The following PTPRR variants were observed in gnomAD, a reference collection of about 807,000 sequenced individuals.
PTPRR encodes protein tyrosine phosphatase receptor type R.
A neutral mutation model predicts 77.2 loss-of-function variants in PTPRR; 38 were observed. That is an observed-to-expected ratio of 0.49 (90% CI 0.38 to 0.65). The LOEUF is 0.65. Ranked by LOEUF, PTPRR falls within the 30% of genes least tolerant of loss-of-function variation. The pLI is 0.00. For missense variants in PTPRR, 744 were observed against 799.2 expected (o/e 0.93, Z 0.83); for synonymous variants, 299 against 283.1 (o/e 1.06, Z -0.57).
chr12:70,769,563 A>G (rs1890917508), intron 2 of PTPRR, among the ~76,000 whole-genome samples: 3 of 152,178 alleles, frequency 2.0e-5, no homozygotes, highest in East Asian at 1.9e-4. Context: ...AAGAATCAAT[A>G]TCATGAAAAT....
intron 5 of PTPRR, among the ~76,000 whole-genome samples, chr12:70,750,793 G>A (rs1890365950): frequency 6.6e-6 from 1 of 152,142 alleles, no homozygotes; most frequent in South Asian, 2.1e-4. Context: ...AAAGTGGCAT[G>A]ATCATAGCTC....
At chr12:70,831,131 C>T (rs774465938) in intron 2 of PTPRR, among the ~76,000 whole-genome samples, 1 of 152,130 alleles carries the variant, frequency 6.6e-6, no homozygotes, top group Non-Finnish European at 1.5e-5. Context: ...TTCCTTAGAA[C>T]ATTAGTGAGT....
intron 1 of PTPRR, among the ~76,000 whole-genome samples, chr12:70,919,274 A>T (rs1351175588): frequency 6.6e-6 from 1 of 152,196 alleles, no homozygotes; most frequent in Non-Finnish European, 1.5e-5. Flanking sequence ...GAATGAATGG[A>T]TATGTGTGAT....
At position 70,833,726 on chromosome 12, in the gene PTPRR, C is replaced by A. The variant is rs554085705; in HGVS notation, c.357+58953G>T. On this transcript the variant is annotated intron_variant, in intron 2 of 13. Coordinates refer to ENST00000283228, the MANE Select transcript of PTPRR (RefSeq NM_002849.4). ...CGAAGCTGACAAGCGGGAAGCTCACCTTGTATGTGGCAACCTGATGAAAGA... is the reference window on the plus strand; with the variant it reads ...CGAAGCTGACAAGCGGGAAGCTCACATTGTATGTGGCAACCTGATGAAAGA... Among the ~76,000 whole-genome samples, 6 of 152,240 alleles carry A rather than the reference C, an allele frequency of 3.9e-5. 1 individual carries two copies. In the South Asian group the frequency reaches 1.2e-3, roughly 32 times the overall value.
intron 2 of PTPRR, among the ~76,000 whole-genome samples, chr12:70,851,705 T>C (rs1259384069): frequency 6.6e-6 from 1 of 152,212 alleles, no homozygotes; most frequent in Admixed American, 6.5e-5. Context: ...TACTCCATTA[T>C]AAAATGATCT....
At chr12:70,909,358 G>T (rs1893668077) in intron 1 of PTPRR, among the ~76,000 whole-genome samples, 1 of 152,190 alleles carries the variant, frequency 6.6e-6, no homozygotes, top group Non-Finnish European at 1.5e-5. Flanking sequence ...ATTGGAGTAT[G>T]CAAATTGTGC....
chr12:70,644,849 G>A (rs969438522), intron 13 of PTPRR, among the ~76,000 whole-genome samples: 3 of 152,166 alleles, frequency 2.0e-5, no homozygotes, highest in African/African-American at 7.2e-5. Context: ...CAGGCACAGT[G>A]GAGGCAGATG....
intron 2 of PTPRR, among the ~76,000 whole-genome samples, chr12:70,846,442 A>C (rs1419007723): frequency 6.6e-6 from 1 of 152,130 alleles, no homozygotes; most frequent in Non-Finnish European, 1.5e-5. Context: ...TCACTTGTTT[A>C]TTTTAAGAAA....
intron 4 of PTPRR, among the ~76,000 whole-genome samples, chr12:70,758,118 G>A (rs560042579): frequency 5.3e-5 from 8 of 152,264 alleles, no homozygotes; most frequent in Admixed American, 3.9e-4. Flanking sequence ...TAATCCCTCT[G>A]TCCTTCATGA....
chr12:70,829,249 G>T (rs138173436), intron 2 of PTPRR, among the ~76,000 whole-genome samples: 17 of 149,066 alleles, frequency 1.1e-4, no homozygotes, highest in African/African-American at 3.8e-4. Context: ...GAAGGAAAGA[G>T]AAATAAATAA....
At chr12:70,849,667 C>T (rs1466858769) in intron 2 of PTPRR, among the ~76,000 whole-genome samples, 1 of 152,124 alleles carries the variant, frequency 6.6e-6, no homozygotes, top group Non-Finnish European at 1.5e-5. Context: ...TATCAGTCTA[C>T]AAAAATATGT....
At chr12:70,749,990 C>T (rs1890338243) in intron 5 of PTPRR, among the ~76,000 whole-genome samples, 1 of 152,168 alleles carries the variant, frequency 6.6e-6, no homozygotes, top group African/African-American at 2.4e-5. Context: ...TTTCTTTCAT[C>T]TAAAACAGAC....
chr12:70,877,928 C>A (rs540103762), intron 2 of PTPRR, among the ~76,000 whole-genome samples: 12 of 152,146 alleles, frequency 7.9e-5, no homozygotes, highest in Non-Finnish European at 1.3e-4. Context: ...CAGAACACAG[C>A]CCTAAGAAAT....
chr12:70,686,489 A>T (rs1887874149), intron 8 of PTPRR, among the ~76,000 whole-genome samples: 1 of 152,206 alleles, frequency 6.6e-6, no homozygotes, highest in African/African-American at 2.4e-5. Flanking sequence ...CACTCCTTCT[A>T]AAAGAATGTA....
chr12:70,775,688 C>T (rs1365832026), intron 2 of PTPRR, among the ~76,000 whole-genome samples: 1 of 152,104 alleles, frequency 6.6e-6, no homozygotes. Flanking sequence ...GAAGTGCTGT[C>T]TCAATTCCCA....
In PTPRR at chr12:70,920,667, CA is replaced by C. The variant is rs57824557; in HGVS notation, c.-278del. On this transcript the variant is annotated 5_prime_UTR_variant, in exon 1 of 14. An upstream open reading frame in the 5' UTR loses its in-frame stop. Transcript: ENST00000283228. ...CCTGGCCTTCTGGACGCCCAGAAGC[CA>C]AGGCGGAGACGGCAGGGTGGACTCC... 2.7e-6 allele frequency: 1 copy of C among 369,092 alleles called. No homozygotes were observed. The highest frequency in any genetic ancestry group is 5.2e-6 in the Non-Finnish European group (1 of 193,118). 22.9% of individuals were successfully genotyped at this position (369,092 alleles called of 1,614,324 possible).
Position 70,684,154 on chromosome 12 carries a change from C to T in PTPRR, c.1470G>A (p.Met490Ile). 6.2e-7 allele frequency: 1 copy of T among 1,613,820 alleles called. No individual in the cohort carries two copies. ...VWQEDSPVIVMITKLKEKNEK... is the reference protein window; with the variant it reads ...VWQEDSPVIVIITKLKEKNEK... ...CATTTTTTTCTTTGAGTTTTGTGAT[C>T]ATAACAATCACAGGGCTGTCTTCCT... Residue 490 changes from methionine (M) to isoleucine (I), a missense_variant, in exon 10 of 14, where the codon ATG becomes ATA. By Grantham distance (10) the Met-to-Ile change is conservative. Transcript: ENST00000283228.
intron 13 of PTPRR, among the ~76,000 whole-genome samples, chr12:70,643,614 G>C (rs1311141511): frequency 2.4e-4 from 36 of 152,162 alleles, no homozygotes; most frequent in Admixed American, 2.4e-3. Flanking sequence ...GAGCTCTATA[G>C]TTATTCATCC....
intron 2 of PTPRR, among the ~76,000 whole-genome samples, chr12:70,848,729 T>G (rs1178915827): frequency 6.6e-6 from 1 of 152,250 alleles, no homozygotes; most frequent in East Asian, 1.9e-4. Context: ...ATGTTTTGAA[T>G]AATTTAAAAC....
Sources: allele counts gnomAD v4.1 joint callset (sites outside exome capture counted in the v4.1 genomes callset), GRCh38; gene constraint gnomAD v4.1.1; transcripts MANE v1.5; gene names NCBI Gene and HGNC (gene_info 2026-07-23, HGNC 2026-07-21).